The following CCT6A variants were observed in gnomAD, a reference collection of about 807,000 sequenced individuals.
CCT6A encodes the protein chaperonin containing TCP1 subunit 6A, also known as T-complex protein 1 subunit zeta.
Under a neutral mutation model 58.6 loss-of-function variants are expected in CCT6A, and 6 were observed. That is an observed-to-expected ratio of 0.10 (90% CI 0.06 to 0.20). CCT6A has a LOEUF of 0.20. Ranked by LOEUF, CCT6A falls within the 10% of genes least tolerant of loss-of-function variation. The pLI is 1.00. For missense variants in CCT6A, 516 were observed against 648.8 expected (o/e 0.80, Z 2.22); for synonymous variants, 245 against 227.8 (o/e 1.08, Z -0.68).
At chr7:56,055,200 G>C (rs1794280488) in intron 3 of CCT6A, among the ~76,000 whole-genome samples, 1 of 152,198 alleles carries the variant, frequency 6.6e-6, no homozygotes, top group Admixed American at 6.6e-5. Context: ...CTTGAACCCA[G>C]GAGGTGGAGG....
intron 5 of CCT6A, among the ~76,000 whole-genome samples, chr7:56,057,537 A>G (rs1261515984): frequency 2.0e-5 from 3 of 152,176 alleles, no homozygotes; most frequent in Non-Finnish European, 4.4e-5. Context: ...ACAGCCTACC[A>G]GTGAGACCAT....
rs1310826978 is a variant in CCT6A at position 56,056,164 on chromosome 7, A to G, written c.511-147A>G. ...TAAATGACTTCAGCTGTTGCCTTTTACATATAATGTATTCTATTTGCTGAT... is the reference window on the plus strand; with the variant it reads ...TAAATGACTTCAGCTGTTGCCTTTTGCATATAATGTATTCTATTTGCTGAT... On this transcript the variant is annotated intron_variant, in intron 4 of 13. Transcript: ENST00000275603. 4 of 627,180 alleles carry G rather than the reference A, an allele frequency of 6.4e-6. No individual in the cohort carries two copies. The East Asian group carries it at 1.2e-4, about 18-fold the overall frequency. 38.9% of individuals were successfully genotyped at this position (627,180 alleles called of 1,614,324 possible). A position where few individuals can be genotyped will look rare whatever the true frequency, so the allele number is the denominator to read the frequency against.
chr7:56,055,455 G>T, intron 3 of CCT6A, 169 bp from the exon 4 acceptor site: 1 of 697,682 alleles, frequency 1.4e-6, no homozygotes, highest in Non-Finnish European at 2.6e-6. Flanking sequence ...GCTCTGCATT[G>T]AAAGGAATAT....
Position 56,051,820 on chromosome 7 carries a change from T to A in CCT6A, c.-29T>A, listed in dbSNP as rs927343831. 3.2e-6 allele frequency: 5 copies of A among 1,548,362 alleles called. No individual in the cohort carries two copies. The highest frequency in any genetic ancestry group is 2.0e-5 in the Admixed American group (1 of 51,242). ...CCGCGCCGGCTCTGGGCACTCAGCA[T>A]CGTTTCCTTTTCCTCCGCTGGAGCA... On this transcript the variant is annotated 5_prime_UTR_variant, in exon 1 of 14. Coordinates refer to ENST00000275603, the MANE Select transcript of CCT6A (RefSeq NM_001762.4).
At chr7:56,059,500 ACTGGT>A in intron 8 of CCT6A, 39 bp from the exon 9 acceptor site, 1 of 929,042 alleles carries the variant, frequency 1.1e-6, no homozygotes. Context: ...TTTGAAATTC[ACTGGT>A]AACGTTGCTT....
In CCT6A at chr7:56,060,316, T is replaced by C; in HGVS notation, c.1113T>C (p.Ser371=). The C allele has an allele frequency of 6.2e-7, 1 of 1,613,960 alleles. No individual in the cohort carries two copies. The highest frequency in any genetic ancestry group is 1.1e-5 in the South Asian group (1 of 91,084). ...TFIEKCNNPR[S]VTLLIKGPNK... Reference sequence around the variant, plus strand: ...TTGAGAAATGTAACAACCCTCGTTCTGTCACATTATTGATCAAAGGACCAA... The same window carrying C: ...TTGAGAAATGTAACAACCCTCGTTCCGTCACATTATTGATCAAAGGACCAA... Residue 371 remains serine, a synonymous_variant, in exon 10 of 14, where the codon TCT becomes TCC. Transcript: ENST00000275603.
In CCT6A at chr7:56,063,317, G is replaced by C; in HGVS notation, c.*232G>C. 1.9e-6 allele frequency: 1 copy of C among 526,828 alleles called. No homozygotes were observed. Among genetic ancestry groups the C allele is most frequent in the Non-Finnish European group, 3.4e-6 (1 of 297,144 alleles). 32.6% of individuals were successfully genotyped at this position (526,828 alleles called of 1,614,324 possible). A position where few individuals can be genotyped will look rare whatever the true frequency, so the allele number is the denominator to read the frequency against. ...AGGTCTTTTATCCAGTGAACAGGATGTTTTGCTTTAGCAGCAGTGACATAA... is the reference window on the plus strand; with the variant it reads ...AGGTCTTTTATCCAGTGAACAGGATCTTTTGCTTTAGCAGCAGTGACATAA... On this transcript the variant is annotated 3_prime_UTR_variant, in exon 14 of 14. Coordinates refer to ENST00000275603, the MANE Select transcript of CCT6A (RefSeq NM_001762.4).
Position 56,063,440 on chromosome 7 carries a change from A to G in CCT6A, c.*355A>G, listed in dbSNP as rs1417811115. 1 of 243,558 alleles carries G rather than the reference A, an allele frequency of 4.1e-6. No homozygotes were observed. The highest frequency in any genetic ancestry group is 8.1e-6 in the Non-Finnish European group (1 of 124,058). The allele number at this position is 243,558 out of a possible 1,614,324, so 15.1% of individuals were successfully genotyped here. On this transcript the variant is annotated 3_prime_UTR_variant, in exon 14 of 14. Coordinates refer to ENST00000275603, the MANE Select transcript of CCT6A (RefSeq NM_001762.4). Reference sequence around the variant, plus strand: ...TTAATTTTATGTGGACGTATGTTAAATTATCCAACTACCCTATTGTTAAGC... The same window carrying G: ...TTAATTTTATGTGGACGTATGTTAAGTTATCCAACTACCCTATTGTTAAGC...
At chr7:56,057,169 T>A (rs1171137567) in intron 5 of CCT6A, among the ~76,000 whole-genome samples, 1 of 152,164 alleles carries the variant, frequency 6.6e-6, no homozygotes, top group Non-Finnish European at 1.5e-5. Context: ...AATATTGTTT[T>A]TAGTAATATT....
chr7:56,061,885 A>T (rs774972314), intron 12 of CCT6A, 36 bp downstream of exon 12: 4 of 1,167,492 alleles, frequency 3.4e-6, no homozygotes, highest in Non-Finnish European at 5.0e-6. Flanking sequence ...GGAAAACTAG[A>T]TGTAATACGT....
chr7:56,054,880 C>T (rs956654538), intron 3 of CCT6A, among the ~76,000 whole-genome samples: 7 of 152,094 alleles, frequency 4.6e-5, no homozygotes, highest in Admixed American at 4.6e-4. Context: ...TAAAGCAAAC[C>T]TCAGTGAATA....
At chr7:56,052,082 C>T in intron 1 of CCT6A, 97 bp downstream of exon 1, 1 of 1,079,786 alleles carries the variant, frequency 9.3e-7, no homozygotes, top group Middle Eastern at 3.0e-4. Flanking sequence ...CGCCTCGGGG[C>T]TGCGCAGCCG....
chr7:56,055,016 A>G (rs544420646), intron 3 of CCT6A, among the ~76,000 whole-genome samples: 58 of 152,238 alleles, frequency 3.8e-4, no homozygotes, highest in Non-Finnish European at 6.3e-4. Flanking sequence ...GCTCACGCCC[A>G]TAATCCCAGC....
chr7:56,051,831 T>C lies in CCT6A; in HGVS notation c.-18T>C. The C allele has an allele frequency of 1.9e-6, 3 of 1,552,110 alleles. No homozygotes were observed. Among genetic ancestry groups the C allele is most frequent in the Non-Finnish European group, 2.6e-6 (3 of 1,148,664 alleles). ...CTGGGCACTCAGCATCGTTTCCTTT[T>C]CCTCCGCTGGAGCAGCTATGGCGGC... On this transcript the variant is annotated 5_prime_UTR_variant, in exon 1 of 14. Coordinates refer to ENST00000275603, the MANE Select transcript of CCT6A (RefSeq NM_001762.4).
intron 8 of CCT6A, 103 bp downstream of exon 8, chr7:56,058,805 C>CCA: frequency 1.2e-5 from 8 of 693,384 alleles, no homozygotes; most frequent in Non-Finnish European, 2.0e-5. Flanking sequence ...AGTTAATTGG[C>CCA]ATTAACTATA....
chr7:56,062,756 G>A lies in CCT6A; in HGVS notation c.1523+1G>A. 6.2e-7 allele frequency: 1 copy of A among 1,604,798 alleles called. No homozygotes were observed. The highest frequency in any genetic ancestry group is 8.5e-7 in the Non-Finnish European group (1 of 1,175,594). ...TAAAGAAACAGCTTCTTCACTCCTG[G>A]TAAGTTTGGGAAAATGAAAACTAAA... is the stretch of plus-strand genomic sequence containing the variant. On this transcript the variant is annotated splice_donor_variant, in intron 13 of 13. Transcript: ENST00000275603. LOFTEE classifies it high-confidence loss of function.
chr7:56,052,508 T>G (rs1241958014), intron 2 of CCT6A, 23 bp downstream of exon 2: 2 of 1,590,258 alleles, frequency 1.3e-6, no homozygotes, highest in Admixed American at 3.3e-5. Flanking sequence ...CTGGGCTAGG[T>G]CAGAAAGGTC....
At chr7:56,059,834 G>A (rs542012411) in intron 9 of CCT6A, 194 bp downstream of exon 9, 2 of 517,018 alleles carry the variant, frequency 3.9e-6, no homozygotes, top group African/African-American at 1.9e-5. Context: ...GACCACAGAC[G>A]TGTGTGCTAC....
intron 5 of CCT6A, 50 bp downstream of exon 5, chr7:56,056,464 T>C: frequency 1.1e-6 from 1 of 927,738 alleles, no homozygotes. Flanking sequence ...GGCTCACACC[T>C]GTAATCCCAG....
Sources: allele counts gnomAD v4.1 joint callset (sites outside exome capture counted in the v4.1 genomes callset), GRCh38; gene constraint gnomAD v4.1.1; transcripts MANE v1.5; gene names NCBI Gene and HGNC (gene_info 2026-07-23, HGNC 2026-07-21).